Variants in KAZN observed in about 807,000 individuals in gnomAD.
KAZN encodes the protein kazrin.
Under a neutral mutation model 87.4 loss-of-function variants are expected in KAZN, and 40 were observed. The observed-to-expected ratio is 0.46, with a 90% CI of 0.36 to 0.60. The LOEUF is 0.60. Among genes scored for constraint, KAZN ranks in the 20% least tolerant of loss-of-function variants. KAZN has a pLI of 0.00. For synonymous variants in KAZN, 466 were observed against 458.3 expected (o/e 1.02, Z -0.22); for missense variants, 898 against 1,073.9 (o/e 0.84, Z 2.29).
chr1:14,519,178 G>C (rs879395355), intron 2 of KAZN, among the ~76,000 whole-genome samples: 1 of 152,022 alleles, frequency 6.6e-6, no homozygotes, highest in Non-Finnish European at 1.5e-5. Context: ...AAAACAAAAA[G>C]TTTCTGGAAT....
At chr1:14,235,067 G>A (rs767570848) in intron 2 of KAZN, among the ~76,000 whole-genome samples, 23 of 152,294 alleles carry the variant, frequency 1.5e-4, no homozygotes, top group African/African-American at 2.6e-4. Context: ...GTGTATATCC[G>A]TGTGAAAACT....
intron 1 of KAZN, among the ~76,000 whole-genome samples, chr1:14,617,758 C>T (rs111376147): frequency 0.024 from 3,717 of 152,280 alleles, 91 homozygotes; most frequent in South Asian, 0.088. Context: ...AGTGACAACA[C>T]GACCATTTGA....
At chr1:14,859,861 G>A (rs1267893657) in intron 1 of KAZN, among the ~76,000 whole-genome samples, 1 of 152,172 alleles carries the variant, frequency 6.6e-6, no homozygotes, top group African/African-American at 2.4e-5. Context: ...GTAAGGGAAA[G>A]GATAAGGATG....
chr1:13,930,471 A>G (rs1028571047), intron 1 of KAZN, among the ~76,000 whole-genome samples: 1 of 152,172 alleles, frequency 6.6e-6, no homozygotes, highest in South Asian at 2.1e-4. Flanking sequence ...GGGATCCCTG[A>G]TACAATGGAA....
intron 2 of KAZN, among the ~76,000 whole-genome samples, chr1:14,453,980 T>A (rs923466119): frequency 4.6e-5 from 7 of 152,090 alleles, no homozygotes; most frequent in Non-Finnish European, 7.4e-5. Context: ...AAAAAAGAAC[T>A]TTTACAGCAT....
chr1:14,297,007 T>C (rs1557623204), intron 2 of KAZN, among the ~76,000 whole-genome samples: 1 of 152,156 alleles, frequency 6.6e-6, no homozygotes, highest in Non-Finnish European at 1.5e-5. Context: ...CATGTGTGTG[T>C]GTGTGACATG....
intron 1 of KAZN, among the ~76,000 whole-genome samples, chr1:13,974,114 G>A (rs552801002): frequency 6.6e-6 from 1 of 152,360 alleles, no homozygotes; most frequent in African/African-American, 2.4e-5. Context: ...TTGTGACAAT[G>A]TGTGTGAAAT....
intron 2 of KAZN, among the ~76,000 whole-genome samples, chr1:14,542,141 C>A (rs1672848620): frequency 6.6e-6 from 1 of 152,092 alleles, no homozygotes; most frequent in South Asian, 2.1e-4. Flanking sequence ...CCTGTGAATT[C>A]ATTGGTGCTC....
chr1:14,458,493 T>C (rs1052634207), intron 2 of KAZN, among the ~76,000 whole-genome samples: 2 of 152,200 alleles, frequency 1.3e-5, no homozygotes, highest in African/African-American at 4.8e-5. Flanking sequence ...ACAGCAATGG[T>C]AATGGTGGTT....
At chr1:13,895,902 A>G (rs1325028959) in intron 1 of KAZN, among the ~76,000 whole-genome samples, 1 of 152,214 alleles carries the variant, frequency 6.6e-6, no homozygotes, top group Non-Finnish European at 1.5e-5. Context: ...GGAAAAGAGA[A>G]TTACACAAAA....
chr1:14,617,822 G>A lies in KAZN; in HGVS notation c.226+18599G>A, dbSNP rs184662165. Among the ~76,000 whole-genome samples, 125 of 152,314 alleles carry A rather than the reference G, an allele frequency of 8.2e-4. No homozygotes were observed. The East Asian group carries it at 9.3e-3, about 11-fold the overall frequency. On this transcript the variant is annotated intron_variant, in intron 1 of 14. Transcript: ENST00000376030. ...GTTTTTCAAATAAAAATCCCAAAGCGCAAAGTGTATGAAGCCTTAATGTCC... is the reference window on the plus strand; with the variant it reads ...GTTTTTCAAATAAAAATCCCAAAGCACAAAGTGTATGAAGCCTTAATGTCC...
At chr1:14,194,375 T>G (rs760808271) in intron 2 of KAZN, among the ~76,000 whole-genome samples, 1 of 152,128 alleles carries the variant, frequency 6.6e-6, no homozygotes, top group South Asian at 2.1e-4. Flanking sequence ...ATCTTCTGCC[T>G]TTGGAGGGAT....
intron 8 of KAZN, among the ~76,000 whole-genome samples, chr1:15,092,145 C>T (rs1274021162): frequency 7.2e-6 from 1 of 139,106 alleles, no homozygotes; most frequent in Non-Finnish European, 1.5e-5. Context: ...GGCGCAATCT[C>T]GGCTCACCTC....
intron 1 of KAZN, among the ~76,000 whole-genome samples, chr1:14,169,047 G>C (rs1645893597): frequency 6.6e-6 from 1 of 152,182 alleles, no homozygotes; most frequent in African/African-American, 2.4e-5. Flanking sequence ...GAAATAAAAG[G>C]CATTTGTCGT....
chr1:14,395,317 C>T (rs1343095251), intron 2 of KAZN, among the ~76,000 whole-genome samples: 5 of 152,138 alleles, frequency 3.3e-5, no homozygotes, highest in South Asian at 2.1e-4. Context: ...AATGTACTAC[C>T]TATAACATTC....
At chr1:14,628,383 G>T (rs1011162346) in intron 1 of KAZN, among the ~76,000 whole-genome samples, 2 of 152,178 alleles carry the variant, frequency 1.3e-5, no homozygotes, top group Admixed American at 1.3e-4. Flanking sequence ...TGTAAATTAG[G>T]CCTTGTTTAA....
At chr1:14,621,815 C>T (rs146178222) in intron 1 of KAZN, among the ~76,000 whole-genome samples, 2 of 152,124 alleles carry the variant, frequency 1.3e-5, no homozygotes, top group Admixed American at 6.5e-5. Flanking sequence ...ACTGTGAGGC[C>T]CCCCCTCAAC....
chr1:14,500,690 A>G (rs565467491), intron 2 of KAZN, among the ~76,000 whole-genome samples: 3 of 152,276 alleles, frequency 2.0e-5, no homozygotes, highest in African/African-American at 7.2e-5. Context: ...AACAAGATTG[A>G]TAACACTCAC....
At chr1:14,385,322 C>G (rs1057036355) in intron 2 of KAZN, among the ~76,000 whole-genome samples, 2 of 152,108 alleles carry the variant, frequency 1.3e-5, no homozygotes, top group African/African-American at 4.8e-5. Flanking sequence ...TTCAGTTCTG[C>G]TCTGATTTTA....
Sources: gnomAD v4.1 joint callset for allele counts (sites outside exome capture counted in the v4.1 genomes callset) on GRCh38, gnomAD v4.1.1 for gene constraint, MANE v1.5 for transcripts, NCBI Gene and HGNC (gene_info 2026-07-23, HGNC 2026-07-21) for gene names.